The following ROBO2 variants were observed in gnomAD, a reference collection of about 807,000 sequenced individuals.
ROBO2 encodes roundabout guidance receptor 2, also known as roundabout homolog 2.
Under a neutral mutation model 160.8 loss-of-function variants are expected in ROBO2, and 53 were observed. The ratio of observed to expected loss-of-function variants is 0.33; its 90% CI spans 0.26 to 0.41. The LOEUF (loss-of-function observed/expected upper bound fraction) is 0.41. Among genes scored for constraint, ROBO2 ranks in the 10% least tolerant of loss-of-function variants. The pLI is 1.00. For synonymous variants in ROBO2, 664 were observed against 611.7 expected, an observed-to-expected ratio of 1.09 and a Z score of -1.26; for missense variants, 1,577 against 1,722.4, an observed-to-expected ratio of 0.92 and a Z score of 1.49.
At chr3:77,242,957 G>A (rs1341886768) in intron 2 of ROBO2, among the ~76,000 whole-genome samples, 2 of 151,714 alleles carry the variant, frequency 1.3e-5, no homozygotes, top group Non-Finnish European at 2.9e-5. Flanking sequence ...GTGAATATGT[G>A]TGTGTGTGCA....
intron 8 of ROBO2, among the ~76,000 whole-genome samples, chr3:77,552,285 T>TAAG (rs1186664791): frequency 6.6e-6 from 1 of 152,010 alleles, no homozygotes; most frequent in Non-Finnish European, 1.5e-5. Context: ...ATGTAATGCT[T>TAAG]AAGATACCGG....
At chr3:76,943,252 A>T (rs1461709663) in intron 2 of ROBO2, among the ~76,000 whole-genome samples, 1 of 152,240 alleles carries the variant, frequency 6.6e-6, no homozygotes, top group Non-Finnish European at 1.5e-5. Context: ...GCGCTGGGGA[A>T]TTCCCTTCCA....
intron 2 of ROBO2, among the ~76,000 whole-genome samples, chr3:76,680,970 T>C (rs2092546442): frequency 6.6e-6 from 1 of 151,926 alleles, no homozygotes; most frequent in Non-Finnish European, 1.5e-5. Context: ...AGAGACAGGG[T>C]TTCAGTATGT....
chr3:76,256,332 TCTCTCTCTCTCTCTCTCTC>T (rs1300811309), intron 2 of ROBO2, among the ~76,000 whole-genome samples: 15 of 94,824 alleles, frequency 1.6e-4, no homozygotes, highest in Non-Finnish European at 3.6e-4. Flanking sequence ...TCTCTCTCTC[TCTCTCTCTCTCTCTCTCTC>T]TCACATACAC....
At chr3:77,024,717 AG>A (rs900377786) in intron 2 of ROBO2, among the ~76,000 whole-genome samples, 3 of 152,186 alleles carry the variant, frequency 2.0e-5, no homozygotes, top group Non-Finnish European at 4.4e-5. Context: ...AACCAAATGA[AG>A]AGAGAAAATA....
rs570889522 is a variant in ROBO2, at chr3:76,782,979, T to C, written c.110-315035T>C. Among the ~76,000 whole-genome samples, 36 of 150,904 alleles carry C rather than the reference T, an allele frequency of 2.4e-4. No homozygotes were observed. The South Asian group carries it at 7.5e-3, about 31-fold the overall frequency. On this transcript the variant is annotated intron_variant, in intron 2 of 26. Transcript: ENST00000487694. ...ATTCTCCCTCTCTTGCTCTCCTTCT[T>C]GGTGATTTGATAAAATTTTTACTTG... is the stretch of plus-strand genomic sequence containing the variant.
intron 2 of ROBO2, among the ~76,000 whole-genome samples, chr3:77,275,710 A>G (rs1408137834): frequency 6.6e-6 from 1 of 152,146 alleles, no homozygotes; most frequent in Non-Finnish European, 1.5e-5. Context: ...TAACACGTGT[A>G]TCAAATGGAT....
At chr3:77,440,864 T>C (rs1253492803) in intron 2 of ROBO2, among the ~76,000 whole-genome samples, 2 of 152,066 alleles carry the variant, frequency 1.3e-5, no homozygotes, top group Non-Finnish European at 2.9e-5. Context: ...TATTTGAGGG[T>C]TGCGGGTGGT....
intron 2 of ROBO2, among the ~76,000 whole-genome samples, chr3:76,699,299 GC>G (rs1378683957): frequency 6.6e-6 from 1 of 152,124 alleles, no homozygotes; most frequent in Non-Finnish European, 1.5e-5. Flanking sequence ...TGCATGAGAG[GC>G]TTTTGCCATC....
chr3:77,131,545 T>G (rs962743485), intron 2 of ROBO2, among the ~76,000 whole-genome samples: 9 of 152,112 alleles, frequency 5.9e-5, no homozygotes, highest in African/African-American at 2.2e-4. Flanking sequence ...TAAAAAGAGA[T>G]TGGAGATCCT....
intron 2 of ROBO2, among the ~76,000 whole-genome samples, chr3:76,779,033 GA>G (rs1419333598): frequency 6.6e-6 from 1 of 150,948 alleles, no homozygotes; most frequent in East Asian, 2.0e-4. Context: ...GTAATCAACA[GA>G]ACTGTCTGAC....
intron 2 of ROBO2, among the ~76,000 whole-genome samples, chr3:77,309,389 T>G (rs996778598): frequency 6.6e-6 from 1 of 152,272 alleles, no homozygotes; most frequent in African/African-American, 2.4e-5. Context: ...TCTTTTGTAG[T>G]TGGTTGTTCC....
chr3:76,749,459 T>G (rs2093944610), intron 2 of ROBO2, among the ~76,000 whole-genome samples: 1 of 151,958 alleles, frequency 6.6e-6, no homozygotes, highest in South Asian at 2.1e-4. Context: ...CAGAGAGCTT[T>G]CCTTGCTGTT....
intron 2 of ROBO2, among the ~76,000 whole-genome samples, chr3:76,532,285 ACT>A (rs2082271682): frequency 6.6e-6 from 1 of 152,028 alleles, no homozygotes; most frequent in Non-Finnish European, 1.5e-5. Flanking sequence ...AAAGCATAAA[ACT>A]CTGACCTTTC....
At chr3:77,615,167 AAATT>A (rs1559732599) in intron 21 of ROBO2, among the ~76,000 whole-genome samples, 2 of 152,092 alleles carry the variant, frequency 1.3e-5, no homozygotes, top group African/African-American at 2.4e-5. Context: ...CCAAAAAAAT[AAATT>A]AAGAGTTTTT....
chr3:76,801,268 G>A (rs186689492), intron 2 of ROBO2, among the ~76,000 whole-genome samples: 2 of 152,150 alleles, frequency 1.3e-5, no homozygotes, highest in Non-Finnish European at 2.9e-5. Flanking sequence ...GGGAAGGGTC[G>A]TGTGGGAGTG....
At chr3:75,973,021 A>G (rs899834084) in intron 2 of ROBO2, among the ~76,000 whole-genome samples, 2 of 151,746 alleles carry the variant, frequency 1.3e-5, no homozygotes, top group African/African-American at 4.8e-5. Context: ...ATTAGAAGAT[A>G]CTTCACTCAA....
intron 1 of ROBO2, among the ~76,000 whole-genome samples, chr3:75,925,852 GT>G (rs1427238747): frequency 6.6e-6 from 1 of 152,140 alleles, no homozygotes; most frequent in Non-Finnish European, 1.5e-5. Context: ...ATAGTTGATA[GT>G]TTTCCAGAGC....
intron 2 of ROBO2, among the ~76,000 whole-genome samples, chr3:76,905,671 GA>G (rs1316203373): frequency 3.3e-5 from 5 of 152,062 alleles, no homozygotes; most frequent in Admixed American, 3.3e-4. Context: ...TGCCATTGCT[GA>G]AAATTATAAC....
Sources: gnomAD v4.1 joint callset for allele counts (sites outside exome capture counted in the v4.1 genomes callset) on GRCh38, gnomAD v4.1.1 for gene constraint, MANE v1.5 for transcripts, NCBI Gene and HGNC (gene_info 2026-07-23, HGNC 2026-07-21) for gene names.